CLRN2: variants seen among roughly 807,000 people sequenced by gnomAD.
CLRN2 encodes the protein clarin 2.
In CLRN2, 17 loss-of-function variants were observed where a neutral mutation model predicts 20.1. The ratio of observed to expected loss-of-function variants is 0.85; its 90% CI spans 0.58 to 1.27. The LOEUF is 1.27. Ranked by LOEUF, CLRN2 falls within the 50% of genes most tolerant of loss-of-function variation. The probability of loss-of-function intolerance (pLI) is 0.00; values close to 1 mark genes in which losing one functional copy is unlikely to be tolerated. For synonymous variants in CLRN2, 140 were observed against 126.9 expected (o/e 1.10, Z -0.70); for missense variants, 288 against 299.5 (o/e 0.96, Z 0.28).
At chr4:17,522,727 C>A in intron 1 of CLRN2, 137 bp from the exon 2 acceptor site, 1 of 802,814 alleles carries the variant, frequency 1.2e-6, no homozygotes, top group Non-Finnish European at 2.0e-6. Context: ...AGAAAGTCTC[C>A]CGCTGTTTGA....
chr4:17,517,034 G>A (rs531221628), intron 1 of CLRN2, among the ~76,000 whole-genome samples: 1 of 152,344 alleles, frequency 6.6e-6, no homozygotes, highest in South Asian at 2.1e-4. Flanking sequence ...ATGGGGAAGT[G>A]TGGATGATTT....
intron 1 of CLRN2, among the ~76,000 whole-genome samples, chr4:17,516,121 T>C (rs1711665742): frequency 6.6e-6 from 1 of 152,226 alleles, no homozygotes; most frequent in Non-Finnish European, 1.5e-5. Flanking sequence ...GTGCTTGGGT[T>C]CTGGAATCAG....
chr4:17,519,484 G>C (rs558503980), intron 1 of CLRN2, among the ~76,000 whole-genome samples: 1 of 152,172 alleles, frequency 6.6e-6, no homozygotes, highest in South Asian at 2.1e-4. Flanking sequence ...TCACTTCTCC[G>C]AGCCTCAGTT....
At chr4:17,521,198 T>G (rs537210137) in intron 1 of CLRN2, among the ~76,000 whole-genome samples, 1 of 152,248 alleles carries the variant, frequency 6.6e-6, no homozygotes, top group South Asian at 2.1e-4. Context: ...AGGGTAAAGT[T>G]TCCAATGCTG....
chr4:17,516,959 GTGAT>G (rs1283862963), intron 1 of CLRN2, among the ~76,000 whole-genome samples: 1 of 152,238 alleles, frequency 6.6e-6, no homozygotes, highest in Non-Finnish European at 1.5e-5. Context: ...AAATCACAGA[GTGAT>G]TGTCCGCTAT....
At chr4:17,525,753 A>G (rs1022651127) in intron 2 of CLRN2, among the ~76,000 whole-genome samples, 1 of 152,200 alleles carries the variant, frequency 6.6e-6, no homozygotes, top group Non-Finnish European at 1.5e-5. Flanking sequence ...TTAAAATCAA[A>G]GTAAGAACAC....
At chr4:17,523,218 T>TC (rs1047093484) in intron 2 of CLRN2, among the ~76,000 whole-genome samples, 175 bp downstream of exon 2, 6 of 150,336 alleles carry the variant, frequency 4.0e-5, no homozygotes, top group African/African-American at 1.5e-4. Context: ...TTTTTCTTTT[T>TC]TTTTTTTTTT....
At chr4:17,515,648 A>G (rs1267631274) in intron 1 of CLRN2, 129 bp downstream of exon 1, 11 of 1,010,514 alleles carry the variant, frequency 1.1e-5, no homozygotes, top group Non-Finnish European at 1.6e-5. Context: ...GTCCACAGTG[A>G]GCCAAGGGTT....
chr4:17,519,969 G>A (rs1227595678), intron 1 of CLRN2, among the ~76,000 whole-genome samples: 7 of 152,034 alleles, frequency 4.6e-5, no homozygotes, highest in Non-Finnish European at 1.5e-5. Context: ...ATGGCTCCCA[G>A]AAGTGCTGGG....
At chr4:17,518,668 G>A (rs1329463930) in intron 1 of CLRN2, among the ~76,000 whole-genome samples, 1 of 152,046 alleles carries the variant, frequency 6.6e-6, no homozygotes, top group African/African-American at 2.4e-5. Flanking sequence ...GGCTGAGGCA[G>A]GAGAATCACT....
intron 1 of CLRN2, among the ~76,000 whole-genome samples, chr4:17,519,983 A>G (rs911560683): frequency 6.6e-6 from 1 of 152,192 alleles, no homozygotes; most frequent in African/African-American, 2.4e-5. Context: ...TGCTGGGATT[A>G]CAGGCATGAG....
intron 1 of CLRN2, 62 bp from the exon 2 acceptor site, chr4:17,522,802 G>T: frequency 6.4e-7 from 1 of 1,558,390 alleles, no homozygotes; most frequent in Non-Finnish European, 8.8e-7. Context: ...AAGCAAGCTT[G>T]GACTTCATGA....
chr4:17,522,863 G>T lies in CLRN2; in HGVS notation c.254-1G>T. 6.2e-7 allele frequency: 1 copy of T among 1,612,626 alleles called. No individual in the cohort carries two copies. The highest frequency in any genetic ancestry group is 8.5e-7 in the Non-Finnish European group (1 of 1,178,984). ...ATAGTGGCTGTGTCTTGTCTCCCCA[G>T]TCTTCCCACACCTGGTGAAGGAGCT... On this transcript the variant is annotated splice_acceptor_variant, in intron 1 of 2. Transcript: ENST00000511148. LOFTEE classifies it high-confidence loss of function.
intron 1 of CLRN2, among the ~76,000 whole-genome samples, chr4:17,520,089 C>T (rs1300053097): frequency 6.6e-6 from 1 of 152,016 alleles, no homozygotes; most frequent in Non-Finnish European, 1.5e-5. Flanking sequence ...TGTTATGGCC[C>T]AAGAATGTGG....
intron 1 of CLRN2, among the ~76,000 whole-genome samples, chr4:17,515,851 G>A (rs1711656621): frequency 6.6e-6 from 1 of 152,154 alleles, no homozygotes; most frequent in African/African-American, 2.4e-5. Flanking sequence ...TCTCCTTAAA[G>A]CCTTACAACA....
At chr4:17,522,820 T>A in intron 1 of CLRN2, 44 bp from the exon 2 acceptor site, 1 of 1,591,338 alleles carries the variant, frequency 6.3e-7, no homozygotes, top group Non-Finnish European at 8.6e-7. Context: ...TGAAAGTGAG[T>A]CTAACTCTGA....
chr4:17,522,269 C>G (rs537331284), intron 1 of CLRN2, among the ~76,000 whole-genome samples: 2 of 152,274 alleles, frequency 1.3e-5, no homozygotes, highest in East Asian at 3.9e-4. Flanking sequence ...TGAGAAGTCA[C>G]ATGACTTTCC....
intron 1 of CLRN2, among the ~76,000 whole-genome samples, chr4:17,515,857 C>G (rs996645056): frequency 3.9e-5 from 6 of 152,192 alleles, no homozygotes; most frequent in African/African-American, 1.4e-4. Context: ...TAAAGCCTTA[C>G]AACAAAGTTA....
intron 2 of CLRN2, among the ~76,000 whole-genome samples, chr4:17,524,486 T>G (rs1711918782): frequency 6.6e-6 from 1 of 151,492 alleles, no homozygotes; most frequent in African/African-American, 2.4e-5. Flanking sequence ...AATCAATCAA[T>G]TATTATGTAT....
Sources: gnomAD v4.1 joint callset for allele counts (sites outside exome capture counted in the v4.1 genomes callset) on GRCh38, gnomAD v4.1.1 for gene constraint, MANE v1.5 for transcripts, NCBI Gene and HGNC (gene_info 2026-07-23, HGNC 2026-07-21) for gene names.